The following TPO variants were observed in gnomAD, a reference collection of about 807,000 sequenced individuals.
The protein encoded by TPO is thyroid peroxidase.
In TPO, 78 loss-of-function variants were observed where a neutral mutation model predicts 96.9. The ratio of observed to expected loss-of-function variants is 0.81; its 90% CI spans 0.67 to 0.97. TPO has a LOEUF of 0.97. TPO is among the 50% of genes least tolerant of loss of function. The probability of loss-of-function intolerance (pLI) is 0.00; values close to 1 mark genes in which losing one functional copy is unlikely to be tolerated. For synonymous variants in TPO, 547 were observed against 538.0 expected, an observed-to-expected ratio of 1.02 and a Z score of -0.23; for missense variants, 1,252 against 1,274.8, an observed-to-expected ratio of 0.98 and a Z score of 0.27.
In TPO at chr2:1,542,783, A is replaced by G; in HGVS notation, c.*309A>G. On this transcript the variant is annotated 3_prime_UTR_variant, in exon 17 of 17. Coordinates refer to ENST00000329066, the MANE Select transcript of TPO (RefSeq NM_001206744.2). Reference sequence around the variant, plus strand: ...CCACTCTTGCAATCCTCCTGTCTCCACCTTCTGGCATCTCTGATGCCGTGC... The same window carrying G: ...CCACTCTTGCAATCCTCCTGTCTCCGCCTTCTGGCATCTCTGATGCCGTGC... 2 of 647,028 alleles carry G rather than the reference A, an allele frequency of 3.1e-6. No individual in the cohort carries two copies. The highest frequency in any genetic ancestry group is 4.9e-6 in the Non-Finnish European group (2 of 405,456). The allele number at this position is 647,028 out of a possible 1,614,324, so 40.1% of individuals were successfully genotyped here.
chr2:1,460,672 A>G (rs1436843539), intron 7 of TPO, among the ~76,000 whole-genome samples: 1 of 152,236 alleles, frequency 6.6e-6, no homozygotes, highest in Non-Finnish European at 1.5e-5. Context: ...AAGGAATTCA[A>G]TGAACGTGTA....
chr2:1,414,399 T>C lies in TPO; in HGVS notation c.-1-9T>C. On this transcript the variant is annotated splice_polypyrimidine_tract_variant and intron_variant, in intron 1 of 16. Coordinates refer to ENST00000329066, the MANE Select transcript of TPO (RefSeq NM_001206744.2). ...GATTACATACTCTGTCTCCTTCCGT[T>C]AATTTTAGAATGAGAGCGCTCGCTG... is the stretch of plus-strand genomic sequence containing the variant. 1 of 1,611,890 alleles carries C rather than the reference T, an allele frequency of 6.2e-7. No homozygotes were observed. The highest frequency in any genetic ancestry group is 8.5e-7 in the Non-Finnish European group (1 of 1,178,794).
At chr2:1,394,345 A>G (rs923705680) in intron 1 of TPO, among the ~76,000 whole-genome samples, 1 of 152,364 alleles carries the variant, frequency 6.6e-6, no homozygotes, top group Admixed American at 6.5e-5. Context: ...TTTGACGACC[A>G]TGGAGGGTAC....
chr2:1,430,989 T>C (rs1395845402), intron 3 of TPO, among the ~76,000 whole-genome samples: 2 of 152,160 alleles, frequency 1.3e-5, no homozygotes, highest in Non-Finnish European at 2.9e-5. Flanking sequence ...ATTAAGACTT[T>C]GGGGGACTGT....
intron 7 of TPO, among the ~76,000 whole-genome samples, chr2:1,472,066 G>C (rs1026205476): frequency 2.6e-5 from 4 of 151,616 alleles, no homozygotes; most frequent in South Asian, 2.1e-4. Flanking sequence ...CCTGTGATCT[G>C]AGTGCTGATA....
At chr2:1,380,114 G>T (rs9750839) in intron 1 of TPO, among the ~76,000 whole-genome samples, 3 of 152,056 alleles carry the variant, frequency 2.0e-5, no homozygotes, top group Admixed American at 6.5e-5. Context: ...TAATTTATTG[G>T]CCAGGTGCGG....
intron 15 of TPO, among the ~76,000 whole-genome samples, chr2:1,527,312 T>A (rs1573567021): frequency 1.4e-5 from 1 of 70,910 alleles, no homozygotes; most frequent in Admixed American, 2.1e-4. Context: ...CCTCCCCAAA[T>A]CCCCTCACTG....
chr2:1,388,562 C>T lies in TPO; in HGVS notation n.180+14160C>T, dbSNP rs372239842. Among the ~76,000 whole-genome samples the T allele has an allele frequency of 4.2e-4, 64 of 152,306 alleles. 1 individual carries two copies. The East Asian group carries it at 4.3e-3, about 10-fold the overall frequency. On this transcript the variant is annotated intron_variant and non_coding_transcript_variant, in intron 1 of 5. Coordinates refer to the TPO transcript ENST00000497517. Reference sequence around the variant, plus strand: ...CCGTTTGCTAAGACCATTGGAAAAGCGCAGTATTATGGTGGGAGTGACCCG... The same window carrying T: ...CCGTTTGCTAAGACCATTGGAAAAGTGCAGTATTATGGTGGGAGTGACCCG...
chr2:1,514,998 G>A (rs149051772), intron 14 of TPO, among the ~76,000 whole-genome samples: 7 of 152,258 alleles, frequency 4.6e-5, no homozygotes, highest in African/African-American at 1.7e-4. Flanking sequence ...TGGCTTTGCT[G>A]GTTTTTGAAG....
chr2:1,396,107 G>T (rs1220043387), intron 1 of TPO, among the ~76,000 whole-genome samples: 1 of 152,242 alleles, frequency 6.6e-6, no homozygotes, highest in Non-Finnish European at 1.5e-5. Context: ...CGTGGGAAGA[G>T]TCTGCCTGGC....
intron 15 of TPO, among the ~76,000 whole-genome samples, chr2:1,533,471 ATCCCCCCAAC>A (rs1394864163): frequency 1.6e-4 from 6 of 37,204 alleles, no homozygotes; most frequent in African/African-American, 7.2e-4. Context: ...ACCTCCCCAA[ATCCCCCCAAC>A]TGTTTGGAAC....
At chr2:1,395,083 C>T (rs771165980) in intron 1 of TPO, among the ~76,000 whole-genome samples, 1 of 152,146 alleles carries the variant, frequency 6.6e-6, no homozygotes, top group Non-Finnish European at 1.5e-5. Context: ...TACTTTTCCT[C>T]CATTGCCTGT....
rs1674342461 is a variant in TPO, at chr2:1,513,213, G to C, written c.2519-3670G>C. On this transcript the variant is annotated intron_variant, in intron 14 of 16. Coordinates refer to ENST00000329066, the MANE Select transcript of TPO (RefSeq NM_001206744.2). ...TTCAGAATGACAGCGTGAAACCCAA[G>C]CCTGCCTGCATGAGGAAGGGTGGAC... Among the ~76,000 whole-genome samples the C allele has an allele frequency of 3.3e-5, 5 of 152,226 alleles. No homozygotes were observed. In the South Asian group the frequency reaches 1.0e-3, roughly 32 times the overall value.
At chr2:1,393,332 T>TCCCACCAGG (rs1419448449) in intron 1 of TPO, among the ~76,000 whole-genome samples, 4 of 152,284 alleles carry the variant, frequency 2.6e-5, no homozygotes, top group South Asian at 2.1e-4. Context: ...CCCAGTCACC[T>TCCCACCAGG]CCCACCAGGC....
intron 1 of TPO, among the ~76,000 whole-genome samples, chr2:1,392,265 G>T (rs11900271): frequency 0.077 from 11,726 of 152,224 alleles, 906 homozygotes; most frequent in East Asian, 0.31. Flanking sequence ...AGATAATCCT[G>T]TGGTTTTTGT....
chr2:1,458,259 T>C lies in TPO; in HGVS notation c.819+1977T>C, dbSNP rs1668059732. Among the ~76,000 whole-genome samples the C allele has an allele frequency of 3.3e-5, 5 of 151,910 alleles. No individual in the cohort carries two copies. The South Asian group carries it at 1.0e-3, about 31-fold the overall frequency. The stretch of plus-strand genomic sequence containing the variant: ...TGTGTATATAGGATATAAGATAGTG[T>C]GTGGGCACGTGTGTATATAGCATAT... On this transcript the variant is annotated intron_variant, in intron 7 of 16. Coordinates refer to ENST00000329066, the MANE Select transcript of TPO (RefSeq NM_001206744.2).
chr2:1,502,314 T>A (rs905354679), intron 13 of TPO, among the ~76,000 whole-genome samples: 2 of 152,178 alleles, frequency 1.3e-5, no homozygotes, highest in African/African-American at 4.8e-5. Context: ...CTTTAATAGC[T>A]GCTGCTAGAT....
chr2:1,495,035 G>T (rs1672190137), intron 11 of TPO, among the ~76,000 whole-genome samples: 1 of 152,172 alleles, frequency 6.6e-6, no homozygotes, highest in Non-Finnish European at 1.5e-5. Context: ...CTCAGAAGGG[G>T]GAAGATTTCA....
chr2:1,501,048 G>C (rs1164671480), intron 13 of TPO, among the ~76,000 whole-genome samples: 2 of 151,812 alleles, frequency 1.3e-5, no homozygotes, highest in Admixed American at 1.3e-4. Context: ...ATTTCAAATA[G>C]ATAAAAAGCT....
Sources: allele counts gnomAD v4.1 joint callset (sites outside exome capture counted in the v4.1 genomes callset), GRCh38; gene constraint gnomAD v4.1.1; transcripts MANE v1.5; gene names NCBI Gene and HGNC (gene_info 2026-07-23, HGNC 2026-07-21).